The following ZNF438 variants were observed in gnomAD, a reference collection of about 807,000 sequenced individuals.
ZNF438 encodes the protein zinc finger protein 438.
In ZNF438, 25 loss-of-function variants were observed where a neutral mutation model predicts 38.0. The ratio of observed to expected loss-of-function variants is 0.66; its 90% CI spans 0.48 to 0.92. The LOEUF (loss-of-function observed/expected upper bound fraction) is 0.92. Among genes scored for constraint, ZNF438 ranks in the 40% least tolerant of loss-of-function variants. The pLI, the probability that ZNF438 is intolerant of heterozygous loss-of-function variation, is 0.00. For synonymous variants in ZNF438, 372 were observed against 364.1 expected (o/e 1.02, Z -0.25); for missense variants, 1,007 against 999.6 (o/e 1.01, Z -0.10).
chr10:30,989,718 C>T lies in ZNF438; in HGVS notation c.-192+42115G>A, dbSNP rs189756486. Among the ~76,000 whole-genome samples, 606 of 152,246 alleles carry T rather than the reference C, an allele frequency of 4.0e-3. 4 individuals are homozygous for T. The highest frequency in any genetic ancestry group is 0.014 in the African/African-American group (576 of 41,536). On this transcript the variant is annotated intron_variant, in intron 1 of 5. Transcript: ENST00000413025. Reference sequence around the variant, plus strand: ...TCATTCTGAGACTGTTGTGTGTGCACTATAGGATGAAAATACATAATTGTA... The same window carrying T: ...TCATTCTGAGACTGTTGTGTGTGCATTATAGGATGAAAATACATAATTGTA...
intron 1 of ZNF438, among the ~76,000 whole-genome samples, chr10:30,980,451 C>T (rs2051996527): frequency 6.6e-6 from 1 of 151,982 alleles, no homozygotes. Context: ...GGCATATAAG[C>T]CTTACTAATG....
At chr10:30,986,700 A>G (rs1307026324) in intron 1 of ZNF438, among the ~76,000 whole-genome samples, 1 of 152,212 alleles carries the variant, frequency 6.6e-6, no homozygotes, top group East Asian at 1.9e-4. Context: ...TAATCCAAAA[A>G]TCTGAAATCC....
intron 1 of ZNF438, among the ~76,000 whole-genome samples, chr10:30,962,392 T>C (rs2049595949): frequency 6.8e-6 from 1 of 147,390 alleles, no homozygotes; most frequent in Non-Finnish European, 1.5e-5. Flanking sequence ...CATGTGTGTA[T>C]GAAAGTTTCA....
intron 4 of ZNF438, among the ~76,000 whole-genome samples, chr10:30,874,114 GTATATATATATATATATATATATA>G (rs58422289): frequency 0.069 from 5,522 of 80,236 alleles, 415 homozygotes; most frequent in East Asian, 0.43. Context: ...GTGTGTGTGT[GTATATATATATATATATATATATA>G]TATATATATA....
chr10:31,002,299 T>C (rs1205097816), intron 1 of ZNF438, among the ~76,000 whole-genome samples: 2 of 152,254 alleles, frequency 1.3e-5, no homozygotes, highest in East Asian at 1.9e-4. Flanking sequence ...TGTTTACTTA[T>C]GTATTAAAAC....
intron 4 of ZNF438, among the ~76,000 whole-genome samples, chr10:30,870,986 C>T (rs1217642530): frequency 1.3e-5 from 2 of 152,096 alleles, no homozygotes; most frequent in South Asian, 2.1e-4. Flanking sequence ...ATCAGTGTTC[C>T]TTCACCAGAT....
chr10:31,010,030 G>A (rs61845205), intron 1 of ZNF438, among the ~76,000 whole-genome samples: 8,449 of 151,890 alleles, frequency 0.056, 280 homozygotes, highest in Non-Finnish European at 0.074. Flanking sequence ...TGTATTTTTA[G>A]TAGAGATGGG....
rs1043617104 is a variant in ZNF438 at position 30,884,268 on chromosome 10, A to G, written c.-31-7203T>C. Among the ~76,000 whole-genome samples, 77 of 152,158 alleles carry G rather than the reference A, an allele frequency of 5.1e-4. 1 individual carries two copies. The highest frequency in any genetic ancestry group is 1.6e-4 in the Non-Finnish European group (11 of 68,006). ...CATTTAATTCTATTATAATTATTAAACATGAATAAGTTATATAATAAATAT... is the reference window on the plus strand; with the variant it reads ...CATTTAATTCTATTATAATTATTAAGCATGAATAAGTTATATAATAAATAT... On this transcript the variant is annotated intron_variant, in intron 3 of 5. Transcript: ENST00000413025.
intron 1 of ZNF438, among the ~76,000 whole-genome samples, chr10:31,015,087 A>T (rs1051459030): frequency 4.6e-5 from 7 of 152,280 alleles, no homozygotes; most frequent in Non-Finnish European, 4.4e-5. Context: ...AGTCTTGAAC[A>T]CCTGGCTTCA....
At chr10:30,874,156 ATATATATT>A (rs2038039250) in intron 4 of ZNF438, among the ~76,000 whole-genome samples, 1 of 97,066 alleles carries the variant, frequency 1.0e-5, no homozygotes, top group Non-Finnish European at 2.1e-5. Context: ...ATATATATAT[ATATATATT>A]TAGAGACAAG....
At chr10:30,948,794 G>A (rs1468896139) in intron 1 of ZNF438, among the ~76,000 whole-genome samples, 4 of 150,928 alleles carry the variant, frequency 2.7e-5, no homozygotes, top group Admixed American at 6.6e-5. Flanking sequence ...TGAAAGTGAT[G>A]GGGAGAATGG....
intron 1 of ZNF438, among the ~76,000 whole-genome samples, chr10:30,998,540 C>CAAAAAAAAAA (rs55838240): frequency 1.5e-4 from 5 of 33,912 alleles, no homozygotes; most frequent in Non-Finnish European, 1.9e-4. Flanking sequence ...GAGACTGTCT[C>CAAAAAAAAAA]AAAAAAAAAA....
chr10:30,864,088 TGGAAAAAAGAGA>T (rs1488338048), intron 4 of ZNF438, among the ~76,000 whole-genome samples: 6 of 152,144 alleles, frequency 3.9e-5, no homozygotes, highest in Non-Finnish European at 7.4e-5. Flanking sequence ...ATTGACTTCG[TGGAAAAAAGAGA>T]GGCTATTATG....
chr10:30,850,134 T>C (rs1251374204), exon 5 of ZNF438: 1 of 1,614,072 alleles, frequency 6.2e-7, no homozygotes, highest in African/African-American at 1.3e-5. Flanking sequence ...AGAGAAAATG[T>C]CCCCTCCTGG....
At chr10:30,890,136 G>T (rs1387617144) in intron 3 of ZNF438, among the ~76,000 whole-genome samples, 2 of 139,680 alleles carry the variant, frequency 1.4e-5, no homozygotes, top group Non-Finnish European at 3.1e-5. Flanking sequence ...AATATACTTA[G>T]AAGTCCAAAA....
chr10:30,923,308 T>C (rs897468459), intron 2 of ZNF438: 1 of 152,212 alleles, frequency 6.6e-6, no homozygotes, highest in Non-Finnish European at 1.5e-5. Context: ...CTAATTTCCA[T>C]GACCTCACTG....
intron 2 of ZNF438, among the ~76,000 whole-genome samples, chr10:30,915,360 A>C (rs2043502336): frequency 6.6e-6 from 1 of 152,050 alleles, no homozygotes; most frequent in Admixed American, 6.6e-5. Context: ...TCCTGTGATA[A>C]ATGAAGCAAT....
At chr10:30,851,891 G>T (rs1015336194) in intron 4 of ZNF438, among the ~76,000 whole-genome samples, 1 of 152,072 alleles carries the variant, frequency 6.6e-6, no homozygotes, top group Admixed American at 6.6e-5. Flanking sequence ...GGGCACGGGG[G>T]CTCACGTCTA....
chr10:30,874,150 A>G (rs940587639), intron 4 of ZNF438, among the ~76,000 whole-genome samples: 8 of 93,064 alleles, frequency 8.6e-5, no homozygotes, highest in African/African-American at 3.2e-4. Flanking sequence ...ATATATATAT[A>G]TATATATATA....
Sources: gnomAD v4.1 joint callset for allele counts (sites outside exome capture counted in the v4.1 genomes callset) on GRCh38, gnomAD v4.1.1 for gene constraint, MANE v1.5 for transcripts, NCBI Gene and HGNC (gene_info 2026-07-23, HGNC 2026-07-21) for gene names.